Variants in RBFOX1 observed in about 807,000 individuals in gnomAD.
RBFOX1 encodes RNA binding protein fox-1 homolog 1.
A neutral mutation model predicts 57.7 loss-of-function variants in RBFOX1; 8 were observed. That is an observed-to-expected ratio of 0.14 (90% confidence interval 0.08 to 0.25). RBFOX1 has a LOEUF of 0.25. Ranked by LOEUF, RBFOX1 falls within the 10% of genes least tolerant of loss-of-function variation. The pLI is 1.00. For missense variants in RBFOX1, 611 were observed against 548.5 expected (o/e 1.11, Z -1.14); for synonymous variants, 326 against 222.4 (o/e 1.47, Z -4.15).
In RBFOX1 at chr16:6,984,496, C is replaced by T. The variant is rs114171319; in HGVS notation, c.-15-67561C>T. ...ACTGTTAGGCAGGTTTTGTTACTTG[C>T]AGCCTAAAGTCTCCTCACCTTTAGT... On this transcript the variant is annotated intron_variant, in intron 3 of 15. Transcript: ENST00000550418. 3.6e-3 allele frequency among the ~76,000 whole-genome samples: 547 copies of T among 152,226 alleles called. 4 individuals carry two copies. The highest frequency in any genetic ancestry group is 0.013 in the African/African-American group (523 of 41,542).
At chr16:7,238,719 G>A (rs995986672) in intron 4 of RBFOX1, among the ~76,000 whole-genome samples, 2 of 152,142 alleles carry the variant, frequency 1.3e-5, no homozygotes, top group African/African-American at 4.8e-5. Flanking sequence ...GGGGTTTGTT[G>A]TGCAGATTAT....
At chr16:7,170,724 A>G (rs2080523337) in intron 4 of RBFOX1, among the ~76,000 whole-genome samples, 1 of 152,152 alleles carries the variant, frequency 6.6e-6, no homozygotes. Flanking sequence ...CATACAGTGA[A>G]GTTTCCATAC....
intron 2 of RBFOX1, among the ~76,000 whole-genome samples, chr16:5,518,985 A>C (rs151202744): frequency 2.6e-4 from 39 of 152,288 alleles, no homozygotes; most frequent in African/African-American, 9.1e-4. Flanking sequence ...GCCCTCATCC[A>C]TCCTGACTGC....
At chr16:6,282,718 A>G (rs1205584269) in intron 1 of RBFOX1, among the ~76,000 whole-genome samples, 1 of 152,124 alleles carries the variant, frequency 6.6e-6, no homozygotes, top group Admixed American at 6.6e-5. Context: ...ACAGGAACTC[A>G]TTCCTTTTTA....
At chr16:6,714,816 C>A (rs1466186365) in intron 3 of RBFOX1, among the ~76,000 whole-genome samples, 1 of 152,092 alleles carries the variant, frequency 6.6e-6, no homozygotes, top group African/African-American at 2.4e-5. Flanking sequence ...TTTCTTTGAA[C>A]CACCTGTGCT....
rs2095021575 is a variant in RBFOX1 at position 6,019,123 on chromosome 16, G to C, written c.-996G>C. Reference sequence around the variant, plus strand: ...CACACACACATGCACACATTTTCTCGCGCTCTCTCCGGCTCTCCTTTGTTT... The same window carrying C: ...CACACACACATGCACACATTTTCTCCCGCTCTCTCCGGCTCTCCTTTGTTT... On this transcript the variant is annotated 5_prime_UTR_variant, in exon 1 of 16. Coordinates refer to ENST00000550418, the MANE Select transcript of RBFOX1 (RefSeq NM_018723.4). The surrounding 1 kb of genome is among the most constrained non-coding windows in gnomAD (Gnocchi z 4.2). 1.0e-6 allele frequency: 1 copy of C among 984,524 alleles called. No individual in the cohort carries two copies. 61.0% of individuals were successfully genotyped at this position (984,524 alleles called of 1,614,324 possible).
At chr16:6,946,924 C>T (rs758201009) in intron 3 of RBFOX1, among the ~76,000 whole-genome samples, 7 of 152,074 alleles carry the variant, frequency 4.6e-5, no homozygotes, top group East Asian at 1.9e-4. Flanking sequence ...ACCTTTCAAA[C>T]GTTGTTATTT....
intron 4 of RBFOX1, among the ~76,000 whole-genome samples, chr16:7,298,063 C>G (rs1456730121): frequency 6.6e-6 from 1 of 152,060 alleles, no homozygotes; most frequent in Non-Finnish European, 1.5e-5. Context: ...TTATCTATAT[C>G]CTGAAACTTC....
intron 4 of RBFOX1, among the ~76,000 whole-genome samples, chr16:7,088,334 G>C (rs1273704669): frequency 6.6e-6 from 1 of 152,086 alleles, no homozygotes; most frequent in Non-Finnish European, 1.5e-5. Context: ...TTTTGTTTTT[G>C]TTTCTGTTTC....
At chr16:6,398,214 T>G (rs1045371410) in intron 2 of RBFOX1, among the ~76,000 whole-genome samples, 3 of 152,146 alleles carry the variant, frequency 2.0e-5, no homozygotes, top group Non-Finnish European at 4.4e-5. Context: ...ATGGTTCAAT[T>G]ACTTCCCACC....
intron 1 of RBFOX1, among the ~76,000 whole-genome samples, chr16:6,195,597 T>C (rs994464117): frequency 6.6e-6 from 1 of 152,008 alleles, no homozygotes; most frequent in African/African-American, 2.4e-5. Flanking sequence ...CACGTGCCTG[T>C]AGTCCCAGCT....
intron 3 of RBFOX1, among the ~76,000 whole-genome samples, chr16:5,735,110 G>T (rs1393432060): frequency 6.6e-6 from 1 of 152,192 alleles, no homozygotes; most frequent in African/African-American, 2.4e-5. Flanking sequence ...GCTTTCCTTA[G>T]TTACTCCGTT....
Position 5,806,501 on chromosome 16 carries a change from G to T in RBFOX1, c.319-60802G>T, listed in dbSNP as rs2055232084. Among the ~76,000 whole-genome samples the T allele has an allele frequency of 2.0e-5, 3 of 152,186 alleles. No homozygotes were observed. In the South Asian group the frequency reaches 6.2e-4, roughly 32 times the overall value. On this transcript the variant is annotated intron_variant, in intron 3 of 19. Coordinates refer to the RBFOX1 transcript ENST00000641259. ...TTCATGAGGGCTGTGCTTGCCAAAG[G>T]CCCTTACCTCTTAATACCAACATAA...
intron 4 of RBFOX1, among the ~76,000 whole-genome samples, chr16:7,266,432 C>A (rs1393257767): frequency 6.6e-6 from 1 of 152,220 alleles, no homozygotes; most frequent in African/African-American, 2.4e-5. Context: ...ATGCCTGCGC[C>A]ATGTTTGCTA....
intron 3 of RBFOX1, among the ~76,000 whole-genome samples, chr16:6,802,317 G>T (rs773662478): frequency 6.6e-6 from 1 of 152,088 alleles, no homozygotes; most frequent in South Asian, 2.1e-4. Context: ...GTCCTGTTGT[G>T]CTTCTCTGGG....
At chr16:6,889,625 A>G (rs1161446272) in intron 3 of RBFOX1, among the ~76,000 whole-genome samples, 1 of 152,174 alleles carries the variant, frequency 6.6e-6, no homozygotes, top group African/African-American at 2.4e-5. Context: ...AAGAGTGCCA[A>G]TCCATATCCG....
intron 3 of RBFOX1, among the ~76,000 whole-genome samples, chr16:6,840,701 A>T (rs934921800): frequency 2.0e-5 from 3 of 151,950 alleles, no homozygotes; most frequent in African/African-American, 7.3e-5. Flanking sequence ...ATCCTGGCCA[A>T]CATGGTGAAA....
intron 4 of RBFOX1, among the ~76,000 whole-genome samples, chr16:7,352,467 G>A (rs1025910320): frequency 6.6e-6 from 1 of 152,164 alleles, no homozygotes; most frequent in East Asian, 1.9e-4. Context: ...ATCTGAAGAC[G>A]TGGGGTGGGT....
chr16:6,523,996 T>C (rs937202720), intron 2 of RBFOX1, among the ~76,000 whole-genome samples: 1 of 152,212 alleles, frequency 6.6e-6, no homozygotes, highest in Admixed American at 6.5e-5. Flanking sequence ...TTATCCTTTG[T>C]GGTATAAATA....
Sources: allele counts gnomAD v4.1 joint callset (sites outside exome capture counted in the v4.1 genomes callset), GRCh38; gene constraint gnomAD v4.1.1; non-coding constraint Gnocchi (gnomAD v3.1); transcripts MANE v1.5; gene names NCBI Gene and HGNC (gene_info 2026-07-23, HGNC 2026-07-21).